Variants in ERO1B observed in about 807,000 individuals in gnomAD.
The protein encoded by ERO1B is endoplasmic reticulum oxidoreductase 1 beta.
In ERO1B, 49 loss-of-function variants were observed where a neutral mutation model predicts 75.3. The ratio of observed to expected loss-of-function variants is 0.65; its 90% CI spans 0.52 to 0.83. ERO1B has a LOEUF of 0.83. Among genes scored for constraint, ERO1B ranks in the 40% least tolerant of loss-of-function variants. The pLI is 0.00. For synonymous variants in ERO1B, 191 were observed against 192.9 expected (o/e 0.99, Z 0.08); for missense variants, 512 against 560.1 (o/e 0.91, Z 0.87).
chr1:236,281,579 G>GGCCCGGCCCTGCCCGGCCCTGCCCT, intron 1 of ERO1B, 103 bp downstream of exon 1: 1 of 618,800 alleles, frequency 1.6e-6, no homozygotes, highest in Non-Finnish European at 2.4e-6. Context: ...CCTCTTTTCT[G>GGCCCGGCCCTGCCCGGCCCTGCCCT]GCCCGGCCCT....
intron 2 of ERO1B, among the ~76,000 whole-genome samples, chr1:236,261,430 T>C (rs1472637133): frequency 6.6e-6 from 1 of 152,114 alleles, no homozygotes; most frequent in Non-Finnish European, 1.5e-5. Context: ...AATCTAGTAA[T>C]AAACTGGTGA....
At chr1:236,265,684 C>T (rs1356580707) in intron 2 of ERO1B, among the ~76,000 whole-genome samples, 3 of 152,178 alleles carry the variant, frequency 2.0e-5, no homozygotes, top group African/African-American at 7.2e-5. Context: ...AAAATAAAAT[C>T]CAGCATCCTT....
intron 10 of ERO1B, 137 bp from the exon 11 acceptor site, chr1:236,226,876 G>A: frequency 1.6e-6 from 1 of 623,512 alleles, no homozygotes; most frequent in Non-Finnish European, 2.7e-6. Flanking sequence ...AAACTGATTA[G>A]ATCAAGATTC....
At chr1:236,255,982 G>A (rs1665149803) in intron 2 of ERO1B, among the ~76,000 whole-genome samples, 1 of 152,146 alleles carries the variant, frequency 6.6e-6, no homozygotes, top group Admixed American at 6.5e-5. Context: ...ACTCCCTGAG[G>A]CTCTGGCCTC....
In ERO1B at chr1:236,269,841, T is replaced by C. The variant is rs757599270; in HGVS notation, c.222+34A>G. 11 of 1,534,486 alleles carry C rather than the reference T, an allele frequency of 7.2e-6. No homozygotes were observed. In the South Asian group the frequency reaches 7.9e-5, roughly 11 times the overall value. ...ATCATAAAGGTCACATATAATACCTTTGATATCAACAGAATAAAAAATTAC... is the reference window on the plus strand; with the variant it reads ...ATCATAAAGGTCACATATAATACCTCTGATATCAACAGAATAAAAAATTAC... On this transcript the variant is annotated intron_variant, in intron 2 of 15. Coordinates refer to ENST00000354619, the MANE Select transcript of ERO1B (RefSeq NM_019891.4).
intron 5 of ERO1B, among the ~76,000 whole-genome samples, chr1:236,244,120 A>AGGCCT (rs1664778804): frequency 6.6e-6 from 1 of 152,174 alleles, no homozygotes; most frequent in African/African-American, 2.4e-5. Flanking sequence ...CATTAACTTG[A>AGGCCT]ACCTATATTC....
At chr1:236,280,058 G>A (rs1295548941) in intron 1 of ERO1B, among the ~76,000 whole-genome samples, 1 of 152,186 alleles carries the variant, frequency 6.6e-6, no homozygotes, top group Non-Finnish European at 1.5e-5. Context: ...GGAAGCCAAA[G>A]TAAGAGGCTC....
chr1:236,269,171 G>A (rs1331479622), intron 2 of ERO1B, among the ~76,000 whole-genome samples: 1 of 151,934 alleles, frequency 6.6e-6, no homozygotes, highest in African/African-American at 2.4e-5. Context: ...GGAGGCGGAG[G>A]TTGCAGTGAG....
chr1:236,268,328 T>C (rs1334282288), intron 2 of ERO1B, among the ~76,000 whole-genome samples: 1 of 151,676 alleles, frequency 6.6e-6, no homozygotes, highest in Non-Finnish European at 1.5e-5. Flanking sequence ...TAATCCCAGC[T>C]ACTCGGGAGG....
intron 8 of ERO1B, 51 bp from the exon 9 acceptor site, chr1:236,232,890 AGATCCCAAT>A (rs748618918): frequency 1.4e-6 from 2 of 1,452,406 alleles, no homozygotes; most frequent in South Asian, 2.6e-5. Flanking sequence ...TACATAGCTC[AGATCCCAAT>A]ACTATTTTTT....
intron 1 of ERO1B, among the ~76,000 whole-genome samples, chr1:236,280,553 C>T (rs1665809537): frequency 6.6e-6 from 1 of 151,644 alleles, no homozygotes; most frequent in Non-Finnish European, 1.5e-5. Context: ...TGCATTTTAA[C>T]ATGTTCCCCA....
At chr1:236,257,131 G>T (rs1255073337) in intron 2 of ERO1B, among the ~76,000 whole-genome samples, 1 of 152,176 alleles carries the variant, frequency 6.6e-6, no homozygotes, top group Non-Finnish European at 1.5e-5. Flanking sequence ...AGTACAACTT[G>T]ACTCTAATTT....
chr1:236,221,907 G>A lies in ERO1B; in HGVS notation c.1209+17C>T, dbSNP rs893547786. 8.8e-6 allele frequency: 14 copies of A among 1,596,032 alleles called. No homozygotes were observed. The highest frequency in any genetic ancestry group is 1.2e-5 in the Non-Finnish European group (14 of 1,164,384). On this transcript the variant is annotated intron_variant, in intron 14 of 15. Coordinates refer to ENST00000354619, the MANE Select transcript of ERO1B (RefSeq NM_019891.4). The stretch of plus-strand genomic sequence containing the variant: ...AAAGGTTAGTAATGGCTTCAAAAGA[G>A]AAGACAACACATATACCTGTAATTT...
intron 10 of ERO1B, among the ~76,000 whole-genome samples, chr1:236,227,624 C>G (rs1664309937): frequency 6.6e-6 from 1 of 152,124 alleles, no homozygotes; most frequent in Non-Finnish European, 1.5e-5. Context: ...AACACTTTCC[C>G]CATGCAGGAA....
chr1:236,251,024 G>A (rs1665013727), intron 4 of ERO1B, among the ~76,000 whole-genome samples: 2 of 151,996 alleles, frequency 1.3e-5, no homozygotes, highest in South Asian at 4.2e-4. Flanking sequence ...CAACTGAAAT[G>A]TCCATCAATA....
rs1749596 is a variant in ERO1B at position 236,217,613 on chromosome 1, T to C, written c.*903A>G. ...TATATAATATTTTCAATTGGCATTATAAATTCATATAATCCCATTTAAATT... is the reference window on the plus strand; with the variant it reads ...TATATAATATTTTCAATTGGCATTACAAATTCATATAATCCCATTTAAATT... On this transcript the variant is annotated 3_prime_UTR_variant, in exon 16 of 16. Transcript: ENST00000354619. 0.47 allele frequency: 71,546 copies of C among 152,412 alleles called. 17,542 individuals are homozygous for C. Among genetic ancestry groups the C allele is most frequent in the East Asian group, 0.88 (4,566 of 5,178 alleles). The allele number at this position is 152,412 out of a possible 1,614,324, so 9.4% of individuals were successfully genotyped here.
intron 6 of ERO1B, among the ~76,000 whole-genome samples, chr1:236,236,829 T>G (rs1405864121): frequency 6.6e-6 from 1 of 152,170 alleles, no homozygotes; most frequent in Admixed American, 6.5e-5. Flanking sequence ...TATATTGTAT[T>G]AAAAATAGAG....
At chr1:236,265,840 T>A (rs1665422737) in intron 2 of ERO1B, among the ~76,000 whole-genome samples, 2 of 152,212 alleles carry the variant, frequency 1.3e-5, no homozygotes, top group African/African-American at 4.8e-5. Context: ...TACTTGGTAT[T>A]CTACATCTTT....
intron 6 of ERO1B, among the ~76,000 whole-genome samples, chr1:236,237,094 AC>A (rs34634949): frequency 0.069 from 10,074 of 145,462 alleles, 732 homozygotes; most frequent in East Asian, 0.39. Context: ...ATGAGTATTT[AC>A]CCCGATCTCC....
Sources: allele counts gnomAD v4.1 joint callset (sites outside exome capture counted in the v4.1 genomes callset), GRCh38; gene constraint gnomAD v4.1.1; transcripts MANE v1.5; gene names NCBI Gene and HGNC (gene_info 2026-07-23, HGNC 2026-07-21).